The following OSGIN2 variants were observed in gnomAD, a reference collection of about 807,000 sequenced individuals.
OSGIN2 encodes oxidative stress-induced growth inhibitor 2.
OSGIN2 carries 19 observed loss-of-function variants against 53.8 expected under a neutral mutation model. The observed-to-expected ratio is 0.35, with a 90% CI of 0.25 to 0.52. The LOEUF (loss-of-function observed/expected upper bound fraction) is 0.52. OSGIN2 is among the 20% of genes least tolerant of loss of function. The probability of loss-of-function intolerance (pLI) is 0.95; values close to 1 mark genes in which losing one functional copy is unlikely to be tolerated. For synonymous variants in OSGIN2, 236 were observed against 236.0 expected (o/e 1.00, Z 0.00); for missense variants, 520 against 662.7 (o/e 0.78, Z 2.36).
intron 2 of OSGIN2, among the ~76,000 whole-genome samples, chr8:89,911,295 C>T (rs1808961317): frequency 6.6e-6 from 1 of 152,042 alleles, no homozygotes; most frequent in Non-Finnish European, 1.5e-5. Context: ...TCTACAGAGT[C>T]CTTTTGCTCT....
In OSGIN2 at chr8:89,926,712, CTG is replaced by C. The variant is rs1339676742; in HGVS notation, c.*1181_*1182del. The C allele has an allele frequency of 6.6e-6, 1 of 152,134 alleles. No individual in the cohort carries two copies. Among genetic ancestry groups the C allele is most frequent in the Non-Finnish European group, 1.5e-5 (1 of 68,018 alleles). 9.4% of individuals were successfully genotyped at this position (152,134 alleles called of 1,614,324 possible). A position where few individuals can be genotyped will look rare whatever the true frequency, so the allele number is the denominator to read the frequency against. ...ATTTTTAATGTTAAGACGAAAACATCTGAAGTTCTCCATGGCAAATTGAATTT... is the reference window on the plus strand; with the variant it reads ...ATTTTTAATGTTAAGACGAAAACATCAAGTTCTCCATGGCAAATTGAATTT... On this transcript the variant is annotated 3_prime_UTR_variant, in exon 6 of 6. Transcript: ENST00000451899.
At chr8:89,914,458 C>G in intron 3 of OSGIN2, 97 bp from the exon 4 acceptor site, 2 of 914,516 alleles carry the variant, frequency 2.2e-6, no homozygotes, top group Non-Finnish European at 3.3e-6. Context: ...GTTGGGGGTA[C>G]TGCTTTTTAT....
intron 2 of OSGIN2, among the ~76,000 whole-genome samples, chr8:89,912,498 G>T (rs903482590): frequency 2.6e-5 from 4 of 152,122 alleles, no homozygotes; most frequent in Non-Finnish European, 5.9e-5. Context: ...GCTCATACTT[G>T]TAATCCCAGC....
In OSGIN2 at chr8:89,924,802, G is replaced by C; in HGVS notation, c.920G>C (p.Gly307Ala). 6.2e-7 allele frequency: 1 copy of C among 1,614,170 alleles called. No homozygotes were observed. The highest frequency in any genetic ancestry group is 1.1e-5 in the South Asian group (1 of 91,086). The change falls in exon 6 of 6, where the codon GGA becomes GCA. Residue 307 changes from glycine to alanine, a missense_variant. Coordinates refer to ENST00000451899, the MANE Select transcript of OSGIN2 (RefSeq NM_001126111.3). Reference protein sequence around the residue: ...LFAENVALATGTLDSPAHLEI... With the variant: ...LFAENVALATATLDSPAHLEI... ...GCTGAGAATGTAGCGCTGGCAACTG[G>C]AACGCTGGATTCTCCTGCCCATCTG...
chr8:89,905,554 TGTTTC>T (rs144184348), intron 1 of OSGIN2, among the ~76,000 whole-genome samples: 9,835 of 152,266 alleles, frequency 0.065, 507 homozygotes, highest in African/African-American at 0.14. Context: ...CTAAAAGTCT[TGTTTC>T]ATTAATGTTT....
intron 4 of OSGIN2, among the ~76,000 whole-genome samples, chr8:89,915,827 T>C (rs1809067281): frequency 6.6e-6 from 1 of 152,240 alleles, no homozygotes; most frequent in South Asian, 2.1e-4. Flanking sequence ...GGGACATTCC[T>C]AGATTAAATA....
intron 1 of OSGIN2, among the ~76,000 whole-genome samples, chr8:89,904,477 A>G (rs531889053): frequency 6.6e-6 from 1 of 152,330 alleles, no homozygotes. Context: ...AAACATTATG[A>G]TTAATAAACC....
At chr8:89,905,571 A>G (rs79055358) in intron 1 of OSGIN2, among the ~76,000 whole-genome samples, 3,973 of 152,352 alleles carry the variant, frequency 0.026, 71 homozygotes, top group Middle Eastern at 0.058. Context: ...TTAATGTTTT[A>G]TGTAAAACCA....
rs1157648173 is a variant in OSGIN2 at position 89,927,769 on chromosome 8, T to C, written c.*2237T>C. On this transcript the variant is annotated 3_prime_UTR_variant, in exon 6 of 6. Coordinates refer to ENST00000451899, the MANE Select transcript of OSGIN2 (RefSeq NM_001126111.3). ...CCATATCCAACTACTTTTTTGAAAA[T>C]CTAGTTCTATGTAATATATTTCTGT... The C allele has an allele frequency of 6.6e-6, 1 of 152,226 alleles. No individual in the cohort carries two copies. Among genetic ancestry groups the C allele is most frequent in the Non-Finnish European group, 1.5e-5 (1 of 68,052 alleles). The allele number at this position is 152,226 out of a possible 1,614,324, so 9.4% of individuals were successfully genotyped here.
chr8:89,903,442 C>T (rs560559492), intron 1 of OSGIN2, among the ~76,000 whole-genome samples: 1 of 152,206 alleles, frequency 6.6e-6, no homozygotes, highest in Non-Finnish European at 1.5e-5. Flanking sequence ...GTCAACACCT[C>T]AGTCATTGGT....
At chr8:89,915,234 A>G (rs1459250842) in intron 4 of OSGIN2, among the ~76,000 whole-genome samples, 1 of 152,216 alleles carries the variant, frequency 6.6e-6, no homozygotes, top group African/African-American at 2.4e-5. Flanking sequence ...GGAAGTCCCA[A>G]GATGAAGGTT....
intron 2 of OSGIN2, among the ~76,000 whole-genome samples, chr8:89,913,864 A>T (rs925327371): frequency 4.6e-5 from 7 of 152,190 alleles, no homozygotes; most frequent in African/African-American, 1.7e-4. Flanking sequence ...GGATGTCAGT[A>T]GCCTAGAGAG....
chr8:89,917,651 T>C (rs1011581623), intron 4 of OSGIN2, among the ~76,000 whole-genome samples: 26 of 152,168 alleles, frequency 1.7e-4, no homozygotes, highest in Non-Finnish European at 3.1e-4. Flanking sequence ...AACCTTTATC[T>C]CTTTTTTTTC....
Position 89,924,663 on chromosome 8 carries a change from G to C in OSGIN2, c.781G>C (p.Asp261His), listed in dbSNP as rs1257828369. The change falls in exon 6 of 6, where the codon GAT (aspartate) becomes CAT (histidine). Residue 261 changes from aspartate to histidine, a missense_variant. Physicochemically the swap from Asp to His is moderately conservative, Grantham distance 81 (BLOSUM62 -1). Transcript: ENST00000451899. Reference sequence around the variant, plus strand: ...AGATGATGATGATATTCAAGACAGAGATATTTCAACAAAGCATTTACAGAT... The same window carrying C: ...AGATGATGATGATATTCAAGACAGACATATTTCAACAAAGCATTTACAGAT... Reference protein sequence around the residue: ...DQDDDDIQDRDISTKHLQIEK... With the variant: ...DQDDDDIQDRHISTKHLQIEK... 1 of 1,613,972 alleles carries C rather than the reference G, an allele frequency of 6.2e-7. No individual in the cohort carries two copies. The highest frequency in any genetic ancestry group is 8.5e-7 in the Non-Finnish European group (1 of 1,179,970).
At chr8:89,921,706 G>A (rs562367133) in intron 5 of OSGIN2, among the ~76,000 whole-genome samples, 125 of 152,306 alleles carry the variant, frequency 8.2e-4, no homozygotes, top group South Asian at 4.1e-3. Flanking sequence ...TGAGGGCCTG[G>A]CGCAGTGGCT....
At chr8:89,923,409 A>G (rs924821392) in intron 5 of OSGIN2, among the ~76,000 whole-genome samples, 2 of 152,184 alleles carry the variant, frequency 1.3e-5, no homozygotes, top group African/African-American at 4.8e-5. Context: ...TGAACTTCCC[A>G]TTACAAGTTA....
At chr8:89,907,962 T>G (rs1224245377) in intron 1 of OSGIN2, among the ~76,000 whole-genome samples, 1 of 152,204 alleles carries the variant, frequency 6.6e-6, no homozygotes, top group African/African-American at 2.4e-5. Flanking sequence ...GGTTTGTGTG[T>G]GTCATCTCTG....
intron 3 of OSGIN2, 66 bp downstream of exon 3, chr8:89,914,279 TA>T (rs1353940705): frequency 8.2e-7 from 1 of 1,218,150 alleles, no homozygotes; most frequent in Non-Finnish European, 1.2e-6. Flanking sequence ...TTTTTATTTA[TA>T]TGAACTTTCT....
At chr8:89,911,275 C>T (rs1395368196) in intron 2 of OSGIN2, among the ~76,000 whole-genome samples, 2 of 152,102 alleles carry the variant, frequency 1.3e-5, no homozygotes, top group African/African-American at 4.8e-5. Flanking sequence ...TCTCAGGATC[C>T]TTAATCATAT....
Sources: gnomAD v4.1 joint callset for allele counts (sites outside exome capture counted in the v4.1 genomes callset) on GRCh38, gnomAD v4.1.1 for gene constraint, MANE v1.5 for transcripts, NCBI Gene and HGNC (gene_info 2026-07-23, HGNC 2026-07-21) for gene names.